ULK2: variants seen among roughly 807,000 people sequenced by gnomAD.
The protein encoded by ULK2 is serine/threonine-protein kinase ULK2.
Under a neutral mutation model 127.5 loss-of-function variants are expected in ULK2, and 76 were observed. The observed-to-expected ratio is 0.60, with a 90% CI of 0.50 to 0.72. ULK2 has a LOEUF of 0.72. Among genes scored for constraint, ULK2 ranks in the 30% least tolerant of loss-of-function variants. The pLI is 0.00. For synonymous variants in ULK2, 452 were observed against 461.9 expected (o/e 0.98, Z 0.28); for missense variants, 1,144 against 1,295.9 (o/e 0.88, Z 1.80).
At chr17:19,779,139 A>G (rs528485608) in intron 25 of ULK2, among the ~76,000 whole-genome samples, 1 of 152,344 alleles carries the variant, frequency 6.6e-6, no homozygotes, top group East Asian at 1.9e-4. Flanking sequence ...TTATTTTAAT[A>G]AATTTCAAAA....
At chr17:19,838,259 ATTTG>A (rs992878485) in intron 10 of ULK2, among the ~76,000 whole-genome samples, 8 of 150,498 alleles carry the variant, frequency 5.3e-5, no homozygotes, top group African/African-American at 9.8e-5. Flanking sequence ...ATGGTTTTTA[ATTTG>A]TTTATTGTCT....
intron 21 of ULK2, among the ~76,000 whole-genome samples, chr17:19,785,243 C>T (rs550038403): frequency 2.0e-5 from 3 of 152,176 alleles, no homozygotes; most frequent in South Asian, 2.1e-4. Flanking sequence ...AACAGAGTTT[C>T]GCTCGTTACC....
At chr17:19,845,822 G>A (rs1342935928) in intron 6 of ULK2, among the ~76,000 whole-genome samples, 4 of 152,102 alleles carry the variant, frequency 2.6e-5, no homozygotes, top group African/African-American at 9.7e-5. Context: ...AAGAATCAGG[G>A]TTATGGCCAG....
intron 3 of ULK2, among the ~76,000 whole-genome samples, chr17:19,859,551 A>G (rs549826193): frequency 6.6e-6 from 1 of 152,358 alleles, no homozygotes; most frequent in South Asian, 2.1e-4. Flanking sequence ...TGACCAAGCA[A>G]TTCCACTTCA....
Position 19,796,249 on chromosome 17 carries a change from C to A in ULK2, c.1843G>T (p.Ala615Ser), listed in dbSNP as rs949873720. Residue 615 changes from alanine to serine, a missense_variant, in exon 19 of 27, where the codon GCA (alanine) becomes TCA (serine). Physicochemically the swap from Ala to Ser is moderately conservative, Grantham distance 99. Transcript: ENST00000395544. ...ACCAAGGCTAACAGGTTGGAAGATGCTTGAGTTTTAGGGATTTTGAAAGGA... is the reference window on the plus strand; with the variant it reads ...ACCAAGGCTAACAGGTTGGAAGATGATTGAGTTTTAGGGATTTTGAAAGGA... ...TAPFKIPKTQ[A>S]SSNLLALVTR... 1.7e-5 allele frequency: 28 copies of A among 1,612,984 alleles called. No homozygotes were observed. The highest frequency in any genetic ancestry group is 2.4e-5 in the Non-Finnish European group (28 of 1,179,912).
At position 19,838,521 on chromosome 17, in the gene ULK2, T is replaced by C. The variant is rs1256562174; in HGVS notation, c.767A>G (p.Gln256Arg). The C allele has an allele frequency of 1.9e-6, 3 of 1,612,110 alleles. No individual in the cohort carries two copies. The highest frequency in any genetic ancestry group is 8.5e-7 in the Non-Finnish European group (1 of 1,179,510). Residue 256 changes from glutamine to arginine, a missense_variant, in exon 10 of 27, where the codon CAA (glutamine) becomes CGA (arginine). Gln to Arg is a conservative substitution (Grantham distance 43). Transcript: ENST00000395544. ...NLLLGLLQRN[Q>R]KDRMDFEAFF... ...CTTACCAAAGTCCATTCTATCTTTT[T>C]GGTTTCTCTGAAGCAAACCCAAAAG...
At chr17:19,781,798 T>C (rs976342784) in intron 23 of ULK2, 91 bp downstream of exon 23, 1 of 1,388,484 alleles carries the variant, frequency 7.2e-7, no homozygotes, top group African/African-American at 1.4e-5. Context: ...TAATGAGATA[T>C]GATCTTCAGT....
chr17:19,788,041 G>T (rs976237043), intron 20 of ULK2, among the ~76,000 whole-genome samples: 34 of 152,282 alleles, frequency 2.2e-4, no homozygotes, highest in African/African-American at 7.7e-4. Context: ...GTAGCTAGAG[G>T]GAAAGTGCCT....
At chr17:19,786,127 G>A (rs756939954) in intron 20 of ULK2, 41 bp from the exon 21 acceptor site, 2 of 1,534,554 alleles carry the variant, frequency 1.3e-6, no homozygotes, top group Non-Finnish European at 1.7e-6. Context: ...TACCCTGATA[G>A]TGTTTATATC....
chr17:19,810,945 A>G (rs2087625981), intron 13 of ULK2: 1 of 152,284 alleles, frequency 6.6e-6, no homozygotes, highest in South Asian at 2.1e-4. Flanking sequence ...CAGGTCTTGC[A>G]TGAGTTGTTG....
In ULK2 at chr17:19,806,624, CT is replaced by C. The variant is rs201331365; in HGVS notation, c.1158-1795del. Among the ~76,000 whole-genome samples, 873 of 152,320 alleles carry C rather than the reference CT, an allele frequency of 5.7e-3. 13 individuals are homozygous for C. Among genetic ancestry groups the C allele is most frequent in the African/African-American group, 0.018 (758 of 41,556 alleles). Reference sequence around the variant, plus strand: ...TCTTCCCTGGACAAATTCCAGATCTCTAGCTAGCTAAGACAACTGCAGCCAT... The same window carrying C: ...TCTTCCCTGGACAAATTCCAGATCTCAGCTAGCTAAGACAACTGCAGCCAT... On this transcript the variant is annotated intron_variant, in intron 14 of 26. Coordinates refer to ENST00000395544, the MANE Select transcript of ULK2 (RefSeq NM_014683.4).
rs540024566 is a variant in ULK2 at position 19,866,878 on chromosome 17, A to G, written c.90+450T>C. On this transcript the variant is annotated intron_variant, in intron 1 of 26. Transcript: ENST00000395544. ...AGTGCTGGGAAAGGTGACACCTCCC[A>G]GGCTGCGAAAGCCTGAGGCTAATGG... Among the ~76,000 whole-genome samples, 52 of 152,260 alleles carry G rather than the reference A, an allele frequency of 3.4e-4. 2 individuals are homozygous for G. The South Asian group carries it at 0.011, about 32-fold the overall frequency.
chr17:19,837,380 C>T (rs1159899629), intron 10 of ULK2, among the ~76,000 whole-genome samples: 1 of 152,090 alleles, frequency 6.6e-6, no homozygotes, highest in Non-Finnish European at 1.5e-5. Context: ...ATGATAGTAC[C>T]ACTGCACTCC....
intron 12 of ULK2, among the ~76,000 whole-genome samples, chr17:19,818,631 T>C (rs1597758836): frequency 6.6e-6 from 1 of 152,082 alleles, no homozygotes; most frequent in Non-Finnish European, 1.5e-5. Context: ...TGCTCCTCTA[T>C]GTCCCCAGTG....
intron 8 of ULK2, 148 bp downstream of exon 8, chr17:19,842,973 A>AT (rs1168326662): frequency 2.8e-6 from 2 of 711,218 alleles, no homozygotes; most frequent in African/African-American, 3.6e-5. Flanking sequence ...CTGACTCACT[A>AT]AAGCAGTTTT....
At chr17:19,837,112 C>A (rs924902526) in intron 10 of ULK2, among the ~76,000 whole-genome samples, 9 of 147,852 alleles carry the variant, frequency 6.1e-5, no homozygotes, top group African/African-American at 1.2e-4. Context: ...AAAAAAAAAA[C>A]AAAAGAATCT....
chr17:19,805,244 C>G (rs1180421978), intron 14 of ULK2, among the ~76,000 whole-genome samples: 2 of 152,216 alleles, frequency 1.3e-5, no homozygotes, highest in Admixed American at 1.3e-4. Flanking sequence ...GTCATGAATG[C>G]TGTAAGCATT....
At position 19,771,712 on chromosome 17, in the gene ULK2, G is replaced by C. The variant is rs2086738637; in HGVS notation, c.*4637C>G. The C allele has an allele frequency of 6.6e-6, 1 of 152,176 alleles. No individual in the cohort carries two copies. The highest frequency in any genetic ancestry group is 1.5e-5 in the Non-Finnish European group (1 of 68,046). The allele number at this position is 152,176 out of a possible 1,614,324, so 9.4% of individuals were successfully genotyped here. A position where few individuals can be genotyped will look rare whatever the true frequency, so the allele number is the denominator to read the frequency against. On this transcript the variant is annotated 3_prime_UTR_variant, in exon 27 of 27. Transcript: ENST00000395544. ...CACTGACAGATTCGGAGGAGGGGAG[G>C]AACTTGCCAAAGAACACACAACTGC...
chr17:19,839,259 C>T (rs2041676809), intron 9 of ULK2, among the ~76,000 whole-genome samples: 1 of 152,064 alleles, frequency 6.6e-6, no homozygotes, highest in Non-Finnish European at 1.5e-5. Flanking sequence ...AAGGGCAGCA[C>T]TTAAATACAA....
Sources: allele counts gnomAD v4.1 joint callset (sites outside exome capture counted in the v4.1 genomes callset), GRCh38; gene constraint gnomAD v4.1.1; transcripts MANE v1.5; gene names NCBI Gene and HGNC (gene_info 2026-07-23, HGNC 2026-07-21).